The following EPB41L4B variants were observed in gnomAD, a reference collection of about 807,000 sequenced individuals.
EPB41L4B encodes the protein band 4.1-like protein 4B.
A neutral mutation model predicts 112.5 loss-of-function variants in EPB41L4B; 30 were observed. That is an observed-to-expected ratio of 0.27 (90% confidence interval 0.20 to 0.36). The LOEUF (loss-of-function observed/expected upper bound fraction) is 0.36. EPB41L4B is among the 10% of genes least tolerant of loss of function. The pLI is 1.00. For missense variants in EPB41L4B, 1,024 were observed against 1,133.3 expected (o/e 0.90, Z 1.38); for synonymous variants, 408 against 439.7 (o/e 0.93, Z 0.90).
At chr9:109,255,469 C>T in intron 11 of EPB41L4B, 42 bp downstream of exon 11, 1 of 1,603,736 alleles carries the variant, frequency 6.2e-7, no homozygotes, top group South Asian at 1.1e-5. Context: ...CAGTTGCCCT[C>T]CTTCAGAAGA....
At chr9:109,219,285 GCTCT>G (rs746325999) in intron 15 of EPB41L4B, among the ~76,000 whole-genome samples, 2 of 152,160 alleles carry the variant, frequency 1.3e-5, no homozygotes, top group Non-Finnish European at 2.9e-5. Context: ...TGAAAGGAAG[GCTCT>G]CTCTTTCTTT....
At chr9:109,207,098 GC>G (rs1833013602) in intron 18 of EPB41L4B, among the ~76,000 whole-genome samples, 2 of 152,210 alleles carry the variant, frequency 1.3e-5, no homozygotes, top group African/African-American at 4.8e-5. Context: ...AGGCACAGTG[GC>G]CCCTGCTTAG....
At chr9:109,238,380 G>A (rs1834225969) in intron 15 of EPB41L4B, among the ~76,000 whole-genome samples, 1 of 152,182 alleles carries the variant, frequency 6.6e-6, no homozygotes, top group Non-Finnish European at 1.5e-5. Context: ...CCTACTCACA[G>A]TATGATGCCC....
At chr9:109,316,503 G>A (rs1047908506) in intron 1 of EPB41L4B, among the ~76,000 whole-genome samples, 3 of 152,202 alleles carry the variant, frequency 2.0e-5, no homozygotes, top group African/African-American at 7.2e-5. Flanking sequence ...GAAGGAAAGC[G>A]TCTAGGGCAG....
chr9:109,267,382 A>G (rs1835446075), intron 4 of EPB41L4B, 91 bp downstream of exon 4: 1 of 759,242 alleles, frequency 1.3e-6, no homozygotes, highest in African/African-American at 1.7e-5. Flanking sequence ...CAGCAGACAG[A>G]AGAAGAGGCA....
At chr9:109,199,567 G>C (rs536886084) in intron 20 of EPB41L4B, among the ~76,000 whole-genome samples, 1 of 152,292 alleles carries the variant, frequency 6.6e-6, no homozygotes, top group East Asian at 1.9e-4. Context: ...TACTTGGGAG[G>C]CTGAGGCAGG....
intron 22 of EPB41L4B, among the ~76,000 whole-genome samples, chr9:109,187,048 T>C (rs907840698): frequency 1.3e-5 from 2 of 152,064 alleles, no homozygotes; most frequent in African/African-American, 4.8e-5. Context: ...GAGGATGAGG[T>C]TGGAGGACAG....
chr9:109,188,507 A>G (rs1319343918), intron 22 of EPB41L4B, among the ~76,000 whole-genome samples: 1 of 152,252 alleles, frequency 6.6e-6, no homozygotes, highest in Non-Finnish European at 1.5e-5. Context: ...TAGATGTATC[A>G]GTGAACAGAT....
chr9:109,278,368 G>C (rs190797498), intron 2 of EPB41L4B, among the ~76,000 whole-genome samples: 3 of 152,270 alleles, frequency 2.0e-5, no homozygotes, highest in Admixed American at 6.5e-5. Context: ...TCCAGTGGGA[G>C]TGTCCACCCC....
chr9:109,185,656 G>A (rs1345548975), intron 22 of EPB41L4B, 51 bp from the exon 23 acceptor site: 2 of 1,357,974 alleles, frequency 1.5e-6, no homozygotes, highest in Non-Finnish European at 1.0e-6. Flanking sequence ...AAGAGAAGGG[G>A]AGGAGGAAGA....
intron 15 of EPB41L4B, among the ~76,000 whole-genome samples, chr9:109,238,243 T>G (rs1282574160): frequency 6.6e-6 from 1 of 152,118 alleles, no homozygotes; most frequent in East Asian, 1.9e-4. Context: ...GTTTCCAATG[T>G]CACGTGGCTG....
At chr9:109,291,802 T>C (rs1836543992) in intron 1 of EPB41L4B, among the ~76,000 whole-genome samples, 1 of 152,148 alleles carries the variant, frequency 6.6e-6, no homozygotes, top group Non-Finnish European at 1.5e-5. Flanking sequence ...CAATGTGCTG[T>C]AGATGGCCCA....
chr9:109,300,647 G>A (rs1052212046), intron 1 of EPB41L4B, among the ~76,000 whole-genome samples: 2 of 152,114 alleles, frequency 1.3e-5, no homozygotes, highest in Non-Finnish European at 1.5e-5. Flanking sequence ...TTAGCCAGGC[G>A]TGGTGATGGG....
Position 109,254,352 on chromosome 9 carries a change from T to C in EPB41L4B, c.1170-802A>G, listed in dbSNP as rs61132753. Among the ~76,000 whole-genome samples the C allele has an allele frequency of 6.2e-3, 946 of 152,290 alleles. 9 individuals carry two copies. The highest frequency in any genetic ancestry group is 0.022 in the African/African-American group (910 of 41,550). The stretch of plus-strand genomic sequence containing the variant: ...TCCTCCACAGGACCCTGGGATTTGA[T>C]TGTTTCTCAAAAAGAGCTTGGTCTT... On this transcript the variant is annotated intron_variant, in intron 11 of 25. Transcript: ENST00000374566.
At chr9:109,208,609 G>A (rs1331585146) in intron 17 of EPB41L4B, among the ~76,000 whole-genome samples, 1 of 152,140 alleles carries the variant, frequency 6.6e-6, no homozygotes. Context: ...CACTGAACAT[G>A]TATCTATAAT....
chr9:109,294,300 C>G (rs1486722101), intron 1 of EPB41L4B, among the ~76,000 whole-genome samples: 2 of 144,898 alleles, frequency 1.4e-5, no homozygotes, highest in African/African-American at 5.1e-5. Context: ...GAGTGAGACT[C>G]CGTCTCAAAA....
chr9:109,298,671 A>G (rs1485559342), intron 1 of EPB41L4B, among the ~76,000 whole-genome samples: 2 of 152,250 alleles, frequency 1.3e-5, no homozygotes, highest in Non-Finnish European at 2.9e-5. Context: ...AACTGGTACT[A>G]TGATGAAATA....
At chr9:109,176,803 C>T (rs1186793333) in intron 24 of EPB41L4B, 107 bp from the exon 25 acceptor site, 1 of 1,263,626 alleles carries the variant, frequency 7.9e-7, no homozygotes, top group Non-Finnish European at 1.1e-6. Context: ...CTTTTCACTA[C>T]CAGCTAAAAT....
At position 109,215,428 on chromosome 9, in the gene EPB41L4B, C is replaced by T. The variant is rs756138382; in HGVS notation, c.1633+1494G>A. 5.9e-5 allele frequency among the ~76,000 whole-genome samples: 9 copies of T among 152,110 alleles called. No homozygotes were observed. The South Asian group carries it at 8.3e-4, about 14-fold the overall frequency. On this transcript the variant is annotated intron_variant, in intron 16 of 25. Transcript: ENST00000374566. ...CCAAGTAGCCAGGATTATAGGTGCACGCCACCAGGCCCAGCTAATTTTTGT... is the reference window on the plus strand; with the variant it reads ...CCAAGTAGCCAGGATTATAGGTGCATGCCACCAGGCCCAGCTAATTTTTGT...
Sources: gnomAD v4.1 joint callset for allele counts (sites outside exome capture counted in the v4.1 genomes callset) on GRCh38, gnomAD v4.1.1 for gene constraint, MANE v1.5 for transcripts, NCBI Gene and HGNC (gene_info 2026-07-23, HGNC 2026-07-21) for gene names.